RAB28: variants seen among roughly 807,000 people sequenced by gnomAD.
RAB28 encodes the protein ras-related protein Rab-28.
In RAB28, 24 loss-of-function variants were observed where a neutral mutation model predicts 31.7. The ratio of observed to expected loss-of-function variants is 0.76; its 90% CI spans 0.55 to 1.06. RAB28 has a LOEUF of 1.06. Ranked by LOEUF, RAB28 falls within the 50% of genes least tolerant of loss-of-function variation. The pLI is 0.00. For synonymous variants in RAB28, 100 were observed against 90.4 expected (o/e 1.11, Z -0.60); for missense variants, 254 against 258.5 (o/e 0.98, Z 0.12).
chr4:13,415,400 G>A (rs1177452193), intron 4 of RAB28, among the ~76,000 whole-genome samples: 4 of 152,184 alleles, frequency 2.6e-5, no homozygotes, highest in African/African-American at 7.2e-5. Context: ...GGTGTGGAGG[G>A]AGAGGCGCAG....
intron 4 of RAB28, among the ~76,000 whole-genome samples, chr4:13,408,867 A>G (rs543322265): frequency 6.6e-6 from 1 of 152,204 alleles, no homozygotes; most frequent in Non-Finnish European, 1.5e-5. Context: ...ACATTATACA[A>G]ATGATGTATT....
At chr4:13,443,858 C>A (rs908780090) in intron 4 of RAB28, among the ~76,000 whole-genome samples, 2 of 152,058 alleles carry the variant, frequency 1.3e-5, no homozygotes, top group Non-Finnish European at 2.9e-5. Flanking sequence ...TGGCCCATCC[C>A]CTGACAACAA....
intron 5 of RAB28, among the ~76,000 whole-genome samples, chr4:13,378,686 G>A (rs1238317499): frequency 6.6e-6 from 1 of 152,158 alleles, no homozygotes; most frequent in Non-Finnish European, 1.5e-5. Flanking sequence ...AATGGGACTA[G>A]TACACAATGG....
chr4:13,443,801 A>T (rs1714543033), intron 4 of RAB28, among the ~76,000 whole-genome samples: 2 of 152,110 alleles, frequency 1.3e-5, no homozygotes, highest in African/African-American at 2.4e-5. Flanking sequence ...ATTCATCCTA[A>T]GTGATACTTT....
At chr4:13,371,804 T>C (rs571870526) in intron 6 of RAB28, 5 of 1,547,540 alleles carry the variant, frequency 3.2e-6, no homozygotes, top group Admixed American at 3.9e-5. Flanking sequence ...CCTTTATTTT[T>C]AGAGCCACAA....
intron 4 of RAB28, among the ~76,000 whole-genome samples, chr4:13,424,162 C>T (rs1186032561): frequency 6.6e-6 from 1 of 152,196 alleles, no homozygotes; most frequent in East Asian, 1.9e-4. Flanking sequence ...TCCTCATTTT[C>T]AGTTCAAGAC....
In RAB28 at chr4:13,461,378, T is replaced by G. The variant is rs1190170319; in HGVS notation, c.262-550A>C. Among the ~76,000 whole-genome samples the G allele has an allele frequency of 2.0e-5, 3 of 152,336 alleles. 1 individual carries two copies. The highest frequency in any genetic ancestry group is 7.2e-5 in the African/African-American group (3 of 41,588). ...TTGGAGAACTTGAGAGTATCTTTCT[T>G]AAACTAACCCTTCATATACTTGAGC... On this transcript the variant is annotated intron_variant, in intron 3 of 6. Transcript: ENST00000330852.
chr4:13,420,884 T>C (rs765733199), intron 4 of RAB28, among the ~76,000 whole-genome samples: 3 of 152,202 alleles, frequency 2.0e-5, no homozygotes, highest in Non-Finnish European at 4.4e-5. Context: ...CTATTCAACA[T>C]AGTGTTGGAA....
chr4:13,375,794 CAGAGAGAG>C (rs58965843), intron 6 of RAB28, among the ~76,000 whole-genome samples: 2,701 of 148,198 alleles, frequency 0.018, 69 homozygotes, highest in African/African-American at 0.064. Flanking sequence ...CACACACACA[CAGAGAGAG>C]AGAGAGACCA....
chr4:13,413,095 C>T (rs1007696702), intron 4 of RAB28, among the ~76,000 whole-genome samples: 4 of 151,734 alleles, frequency 2.6e-5, no homozygotes, highest in African/African-American at 9.7e-5. Context: ...AATAACAGAA[C>T]AGAAAAAAAT....
At chr4:13,465,184 C>T (rs906988720) in intron 3 of RAB28, among the ~76,000 whole-genome samples, 3 of 151,816 alleles carry the variant, frequency 2.0e-5, no homozygotes, top group African/African-American at 7.2e-5. Flanking sequence ...ATCATACGCA[C>T]AGCTGAAATA....
chr4:13,434,734 A>G (rs1477409632), intron 4 of RAB28, among the ~76,000 whole-genome samples: 1 of 152,076 alleles, frequency 6.6e-6, no homozygotes, highest in Non-Finnish European at 1.5e-5. Context: ...AGAAAACAAC[A>G]CAGGCCAGGT....
At chr4:13,479,614 T>G (rs1439523300) in intron 1 of RAB28, 88 bp from the exon 2 acceptor site, 8 of 865,208 alleles carry the variant, frequency 9.2e-6, no homozygotes, top group South Asian at 7.6e-5. Flanking sequence ...AATCTTAACA[T>G]GTATATTGCA....
chr4:13,401,648 T>G (rs1711768039), intron 4 of RAB28, among the ~76,000 whole-genome samples: 1 of 152,242 alleles, frequency 6.6e-6, no homozygotes, highest in Admixed American at 6.5e-5. Flanking sequence ...TAATGATTTC[T>G]TCTCTTTCAT....
chr4:13,388,648 A>G (rs1236055227), intron 4 of RAB28, among the ~76,000 whole-genome samples: 1 of 152,116 alleles, frequency 6.6e-6, no homozygotes, highest in African/African-American at 2.4e-5. Context: ...TCTAGAATAT[A>G]TAAAGAACAC....
At chr4:13,427,315 A>G (rs1713558533) in intron 4 of RAB28, among the ~76,000 whole-genome samples, 1 of 152,208 alleles carries the variant, frequency 6.6e-6, no homozygotes, top group Admixed American at 6.5e-5. Context: ...TCCTCTTGCT[A>G]TAAACAAATG....
chr4:13,480,443 T>C (rs910287819), intron 1 of RAB28, among the ~76,000 whole-genome samples: 4 of 151,786 alleles, frequency 2.6e-5, no homozygotes, highest in Admixed American at 6.6e-5. Flanking sequence ...TAAGAGAAAA[T>C]AGCCGTTTTT....
At chr4:13,467,508 T>C (rs1323387266) in intron 3 of RAB28, among the ~76,000 whole-genome samples, 3 of 151,858 alleles carry the variant, frequency 2.0e-5, no homozygotes, top group Non-Finnish European at 4.4e-5. Flanking sequence ...ATGACAGCCA[T>C]GCCATAAGGG....
intron 4 of RAB28, among the ~76,000 whole-genome samples, chr4:13,419,396 A>T (rs1712984820): frequency 6.6e-6 from 1 of 152,222 alleles, no homozygotes; most frequent in South Asian, 2.1e-4. Context: ...TGCACCAGGC[A>T]GACCTAATAG....
Sources: gnomAD v4.1 joint callset for allele counts (sites outside exome capture counted in the v4.1 genomes callset) on GRCh38, gnomAD v4.1.1 for gene constraint, MANE v1.5 for transcripts, NCBI Gene and HGNC (gene_info 2026-07-23, HGNC 2026-07-21) for gene names.